CEP350: variants seen among roughly 807,000 people sequenced by gnomAD.
CEP350 encodes centrosomal protein 350, also known as centrosome-associated protein 350.
CEP350 carries 126 observed loss-of-function variants against 331.8 expected under a neutral mutation model. That is an observed-to-expected ratio of 0.38 (90% CI 0.33 to 0.44). The LOEUF is 0.44. Ranked by LOEUF, CEP350 falls within the 20% of genes least tolerant of loss-of-function variation. The pLI is 1.00. For synonymous variants in CEP350, 1,200 were observed against 1,259.5 expected, an observed-to-expected ratio of 0.95 and a Z score of 1.00; for missense variants, 3,406 against 3,634.6, an observed-to-expected ratio of 0.94 and a Z score of 1.62.
intron 27 of CEP350, among the ~76,000 whole-genome samples, chr1:180,071,506 G>A (rs1288327072): frequency 1.3e-5 from 2 of 151,510 alleles, no homozygotes; most frequent in Non-Finnish European, 2.9e-5. Context: ...GCTGTGCGCG[G>A]TGGCTCAGGC....
chr1:179,977,725 A>G (rs1651974515), intron 1 of CEP350, among the ~76,000 whole-genome samples: 1 of 152,154 alleles, frequency 6.6e-6, no homozygotes, highest in African/African-American at 2.4e-5. Context: ...AGGCTACACT[A>G]AGTTGATTAA....
In CEP350 at chr1:180,042,138, A is replaced by T. The variant is rs953440950; in HGVS notation, c.4362+336A>T. On this transcript the variant is annotated intron_variant, in intron 19 of 37. Coordinates refer to ENST00000367607, the MANE Select transcript of CEP350 (RefSeq NM_014810.5). ...CAATTTGGTGAGTTTTCTCTCACACACACACACACACACACACACACACAC... is the reference window on the plus strand; with the variant it reads ...CAATTTGGTGAGTTTTCTCTCACACTCACACACACACACACACACACACAC... 8.9e-4 allele frequency among the ~76,000 whole-genome samples: 131 copies of T among 147,120 alleles called. 2 individuals are homozygous for T. The highest frequency in any genetic ancestry group is 2.2e-3 in the Admixed American group (33 of 14,826).
rs1472246820 is a variant in CEP350 at position 180,096,039 on chromosome 1, C to T, written c.8921C>T (p.Ala2974Val). ...TTTGTTTTGTTTTTCTCTATCAAGGCGGTTTTTGATTTAACAAAAGAGATT... is the reference window on the plus strand; with the variant it reads ...TTTGTTTTGTTTTTCTCTATCAAGGTGGTTTTTGATTTAACAAAAGAGATT... ...ESTSKRVYKQ[A>V]VFDLTKEIFE... Residue 2974 changes from alanine to valine, a missense_variant and splice_region_variant, in exon 36 of 38, where the codon GCG (alanine) becomes GTG (valine). By Grantham distance (64) the Ala-to-Val change is moderately conservative. Around this residue, in one of 5 missense-constraint regions of CEP350, gnomAD observed 1,415 missense variants for 1,512.3 expected, o/e 0.94. Transcript: ENST00000367607. 18 of 1,550,812 alleles carry T rather than the reference C, an allele frequency of 1.2e-5. No homozygotes were observed. The highest frequency in any genetic ancestry group is 2.0e-5 in the Admixed American group (1 of 50,308).
chr1:180,005,176 T>G (rs1034366834), intron 7 of CEP350, among the ~76,000 whole-genome samples: 18 of 151,940 alleles, frequency 1.2e-4, no homozygotes, highest in Non-Finnish European at 4.4e-5. Context: ...AGTAATGTCT[T>G]TAGCCCACAC....
At chr1:180,035,185 C>G (rs1215002468) in intron 16 of CEP350, among the ~76,000 whole-genome samples, 1 of 152,092 alleles carries the variant, frequency 6.6e-6, no homozygotes, top group Non-Finnish European at 1.5e-5. Flanking sequence ...TTGTGAAGCC[C>G]TAGAGAGGTG....
At chr1:180,090,921 C>A in intron 33 of CEP350, 125 bp downstream of exon 33, 1 of 758,498 alleles carries the variant, frequency 1.3e-6, no homozygotes, top group Non-Finnish European at 1.9e-6. Context: ...GATTATTTAA[C>A]ATTTTAAAGT....
Position 180,111,513 on chromosome 1 carries a change from G to A in CEP350, c.*352G>A, listed in dbSNP as rs534115899. ...TTGAGTCTGAAGTCAAGTGAGAGAG[G>A]TATAGATAAATGCATCACATCACTT... On this transcript the variant is annotated 3_prime_UTR_variant, in exon 38 of 38. Coordinates refer to ENST00000367607, the MANE Select transcript of CEP350 (RefSeq NM_014810.5). 5.5e-5 allele frequency: 10 copies of A among 183,068 alleles called. No individual in the cohort carries two copies. Among genetic ancestry groups the A allele is most frequent in the Admixed American group, 2.3e-4 (4 of 17,398 alleles). 11.3% of individuals were successfully genotyped at this position (183,068 alleles called of 1,614,324 possible).
intron 1 of CEP350, among the ~76,000 whole-genome samples, chr1:179,981,417 T>TG (rs1652265007): frequency 6.6e-6 from 1 of 152,176 alleles, no homozygotes; most frequent in Non-Finnish European, 1.5e-5. Context: ...TAAAACTGGT[T>TG]GGGAAAAAGG....
At chr1:180,091,205 G>A (rs1026001842) in intron 33 of CEP350, among the ~76,000 whole-genome samples, 2 of 151,574 alleles carry the variant, frequency 1.3e-5, no homozygotes, top group Non-Finnish European at 1.5e-5. Flanking sequence ...TTAAGAGACG[G>A]GGGGGTCTCA....
chr1:180,062,040 T>C (rs1184878395), intron 25 of CEP350, among the ~76,000 whole-genome samples, 180 bp from the exon 26 acceptor site: 1 of 152,094 alleles, frequency 6.6e-6, no homozygotes, highest in Admixed American at 6.5e-5. Flanking sequence ...TTTAGAATGG[T>C]GGGATTATAT....
chr1:180,037,900 C>T (rs1346585777), intron 17 of CEP350, among the ~76,000 whole-genome samples: 3 of 152,132 alleles, frequency 2.0e-5, no homozygotes, highest in Admixed American at 6.5e-5. Flanking sequence ...CCACCTGCCT[C>T]GGCCTCCCAA....
chr1:180,073,981 T>TTC (rs200246254), intron 27 of CEP350: 204 of 1,238,084 alleles, frequency 1.6e-4, no homozygotes, highest in African/African-American at 1.5e-3. Context: ...TTGTTTGCTT[T>TTC]TCTCTCTCTC....
chr1:180,065,272 A>AGTATTTGT lies in CEP350; in HGVS notation c.5567+1_5567+8dup. The AGTATTTGT allele has an allele frequency of 6.2e-7, 1 of 1,601,718 alleles. No individual in the cohort carries two copies. Among genetic ancestry groups the AGTATTTGT allele is most frequent in the Non-Finnish European group, 8.5e-7 (1 of 1,176,590 alleles). ...AAAATGAGAAGCCGCATGGATGAAA[A>AGTATTTGT]GTATTTGTTTTTTATAAATATCTCT... On this transcript the variant is annotated frameshift_variant and splice_region_variant. Coordinates refer to ENST00000367607, the MANE Select transcript of CEP350 (RefSeq NM_014810.5). LOFTEE classifies it high-confidence loss of function.
At chr1:179,970,356 T>C (rs951820292) in intron 1 of CEP350, among the ~76,000 whole-genome samples, 3 of 152,238 alleles carry the variant, frequency 2.0e-5, no homozygotes, top group African/African-American at 7.2e-5. Context: ...AGTGGTATAT[T>C]AGAATATGTT....
intron 1 of CEP350, among the ~76,000 whole-genome samples, chr1:179,977,181 T>C (rs1049851319): frequency 1.3e-5 from 2 of 152,192 alleles, no homozygotes; most frequent in Non-Finnish European, 2.9e-5. Context: ...GGGGCAGGTC[T>C]TTGTGGATCA....
chr1:180,042,922 T>G, intron 19 of CEP350, 134 bp from the exon 20 acceptor site: 1 of 864,004 alleles, frequency 1.2e-6, no homozygotes, highest in Non-Finnish European at 1.8e-6. Flanking sequence ...TTGTCCACAG[T>G]ATTTCATCTA....
At chr1:180,087,826 ATAT>A in intron 32 of CEP350, 109 bp downstream of exon 32, 2 of 1,159,104 alleles carry the variant, frequency 1.7e-6, no homozygotes, top group South Asian at 6.3e-5. Flanking sequence ...AGAAGTAAAA[ATAT>A]TATTTTCTAT....
In CEP350 at chr1:180,020,196, G is replaced by A. The variant is rs1376739070; in HGVS notation, c.2422G>A (p.Asp808Asn). The part of the protein sequence containing the change: ...PYVTSPAAYT[D>N]ALLKPSASQY... Reference sequence around the variant, plus strand: ...TGTGACCTCACCAGCTGCTTATACAGATGCCTTGTTAAAACCTAGTGCCAG... The same window carrying A: ...TGTGACCTCACCAGCTGCTTATACAAATGCCTTGTTAAAACCTAGTGCCAG... The change falls in exon 12 of 38, where the codon GAT becomes AAT. Residue 808 changes from aspartate to asparagine, a missense_variant. Coordinates refer to ENST00000367607, the MANE Select transcript of CEP350 (RefSeq NM_014810.5). The A allele has an allele frequency of 1.2e-5, 20 of 1,613,870 alleles. No homozygotes were observed. In the South Asian group the frequency reaches 2.2e-4, roughly 18 times the overall value.
intron 3 of CEP350, among the ~76,000 whole-genome samples, chr1:179,988,998 CACTAAGT>C (rs1652851385): frequency 6.6e-6 from 1 of 151,918 alleles, no homozygotes; most frequent in South Asian, 2.1e-4. Flanking sequence ...TAGAGTTTAG[CACTAAGT>C]TAATAACTGT....
Sources: allele counts gnomAD v4.1 joint callset (sites outside exome capture counted in the v4.1 genomes callset), GRCh38; gene constraint gnomAD v4.1.1; regional missense constraint gnomAD v4.1.1; transcripts MANE v1.5; gene names NCBI Gene and HGNC (gene_info 2026-07-23, HGNC 2026-07-21).